Variants in PREX2 observed in about 807,000 individuals in gnomAD.
PREX2 encodes phosphatidylinositol 3,4,5-trisphosphate-dependent Rac exchanger 2 protein.
In PREX2, 107 loss-of-function variants were observed where a neutral mutation model predicts 203.2. The observed-to-expected ratio is 0.53, with a 90% CI of 0.45 to 0.62. The LOEUF is 0.62. Ranked by LOEUF, PREX2 falls within the 20% of genes least tolerant of loss-of-function variation. The pLI is 0.00. For missense variants in PREX2, 1,777 were observed against 1,955.9 expected, an observed-to-expected ratio of 0.91 and a Z score of 1.72; for synonymous variants, 672 against 663.6, an observed-to-expected ratio of 1.01 and a Z score of -0.19.
chr8:68,032,682 C>A (rs1351025143), intron 6 of PREX2, among the ~76,000 whole-genome samples: 1 of 152,068 alleles, frequency 6.6e-6, no homozygotes, highest in Non-Finnish European at 1.5e-5. Flanking sequence ...GAATTCAGGC[C>A]CTGGGAGGAA....
intron 27 of PREX2, among the ~76,000 whole-genome samples, chr8:68,119,169 A>C (rs1363052451): frequency 6.6e-6 from 1 of 152,206 alleles, no homozygotes; most frequent in East Asian, 1.9e-4. Flanking sequence ...AGTTTATGTC[A>C]ACTCTTCAAC....
chr8:68,152,698 T>C (rs909531906), intron 34 of PREX2, among the ~76,000 whole-genome samples: 2 of 152,034 alleles, frequency 1.3e-5, no homozygotes, highest in Non-Finnish European at 2.9e-5. Flanking sequence ...AAGGAAGGCC[T>C]GGATTTCCCT....
intron 39 of PREX2, among the ~76,000 whole-genome samples, chr8:68,225,524 A>T (rs1432245082): frequency 6.6e-6 from 1 of 152,224 alleles, no homozygotes; most frequent in Non-Finnish European, 1.5e-5. Flanking sequence ...ACTGCCACAG[A>T]CAAAACACTA....
intron 37 of PREX2, among the ~76,000 whole-genome samples, chr8:68,199,030 T>A (rs111772916): frequency 9.7e-4 from 147 of 152,256 alleles, no homozygotes; most frequent in African/African-American, 2.8e-3. Flanking sequence ...CGAGGGTGAA[T>A]CTATTCCAGG....
intron 1 of PREX2, among the ~76,000 whole-genome samples, chr8:67,976,688 GAGAC>G (rs1286597495): frequency 6.5e-5 from 7 of 107,024 alleles, no homozygotes; most frequent in Admixed American, 4.0e-4. Flanking sequence ...AGACAGGAGA[GAGAC>G]AGAGAGAGAG....
At chr8:68,176,943 A>G (rs1000817464) in intron 35 of PREX2, 1 of 152,112 alleles carries the variant, frequency 6.6e-6, no homozygotes, top group African/African-American at 2.4e-5. Context: ...ACTAGTAAAC[A>G]TTATAAAGAT....
At chr8:68,101,509 C>T (rs1585793094) in intron 23 of PREX2, 2 of 515,184 alleles carry the variant, frequency 3.9e-6, no homozygotes, top group East Asian at 5.5e-5. Context: ...GGGGAAGATT[C>T]CATGAATGTA....
intron 1 of PREX2, among the ~76,000 whole-genome samples, chr8:68,011,665 C>A (rs1807266319): frequency 6.6e-6 from 1 of 151,922 alleles, no homozygotes; most frequent in Non-Finnish European, 1.5e-5. Flanking sequence ...TTAATGTTAG[C>A]AATTGAGTCA....
At chr8:68,039,729 T>G (rs1187677496) in intron 7 of PREX2, among the ~76,000 whole-genome samples, 1 of 152,136 alleles carries the variant, frequency 6.6e-6, no homozygotes, top group African/African-American at 2.4e-5. Flanking sequence ...TAGCCTTGGT[T>G]CCTGTTTTTC....
chr8:68,093,219 T>C (rs985845231), intron 20 of PREX2, among the ~76,000 whole-genome samples: 2 of 151,786 alleles, frequency 1.3e-5, no homozygotes, highest in African/African-American at 4.8e-5. Flanking sequence ...GGAGAAACCC[T>C]GTCTTTACTA....
chr8:68,159,883 A>G (rs1811621259), intron 35 of PREX2, among the ~76,000 whole-genome samples: 1 of 152,224 alleles, frequency 6.6e-6, no homozygotes, highest in Non-Finnish European at 1.5e-5. Flanking sequence ...AATGTGATAC[A>G]GAGAAAGTCA....
intron 38 of PREX2, among the ~76,000 whole-genome samples, chr8:68,218,566 T>A (rs2129615338): frequency 6.6e-6 from 1 of 152,328 alleles, no homozygotes; most frequent in South Asian, 2.1e-4. Flanking sequence ...CCAGTGACAG[T>A]GAGTGATTTA....
At chr8:68,034,380 T>G (rs1050829438) in intron 6 of PREX2, among the ~76,000 whole-genome samples, 1 of 152,214 alleles carries the variant, frequency 6.6e-6, no homozygotes, top group Admixed American at 6.5e-5. Context: ...TGTTGGCTGA[T>G]TGATTATGTT....
At position 68,038,232 on chromosome 8, in the gene PREX2, T is replaced by A; in HGVS notation, c.779T>A (p.Ile260Asn). Residue 260 changes from isoleucine (I) to asparagine (N), a missense_variant, in exon 7 of 40, where the codon ATT (isoleucine) becomes AAT (asparagine). Coordinates refer to ENST00000288368, the MANE Select transcript of PREX2 (RefSeq NM_024870.4). ...GVLLKISSGNIQERVFFLFDN... is the reference protein window; with the variant it reads ...GVLLKISSGNNQERVFFLFDN... Reference sequence around the variant, plus strand: ...TTACTGAAAATTTCTTCTGGAAATATTCAAGAACGGGTGTTTTTTCTTTTC... The same window carrying A: ...TTACTGAAAATTTCTTCTGGAAATAATCAAGAACGGGTGTTTTTTCTTTTC... 6.2e-7 allele frequency: 1 copy of A among 1,613,908 alleles called. No individual in the cohort carries two copies. The highest frequency in any genetic ancestry group is 8.5e-7 in the Non-Finnish European group (1 of 1,179,860).
rs1391267408 is a variant in PREX2 at position 68,185,829 on chromosome 8, C to CATATAAAATA, written c.4347-5893_4347-5892insATATAAAATA. 5.4e-5 allele frequency among the ~76,000 whole-genome samples: 8 copies of CATATAAAATA among 148,382 alleles called. No homozygotes were observed. The East Asian group carries it at 1.5e-3, about 29-fold the overall frequency. On this transcript the variant is annotated intron_variant, in intron 35 of 39. Coordinates refer to ENST00000288368, the MANE Select transcript of PREX2 (RefSeq NM_024870.4). ...ATGCCAGCATGAAAGGAAACATACT[C>CATATAAAATA]TGCAGCCCATATAAAATAGTAGCCA... is the stretch of plus-strand genomic sequence containing the variant.
chr8:68,205,014 T>C (rs1477548198), intron 37 of PREX2, among the ~76,000 whole-genome samples: 1 of 152,138 alleles, frequency 6.6e-6, no homozygotes, highest in Admixed American at 6.6e-5. Flanking sequence ...TCGGAAACCC[T>C]TGTCTTCCAG....
chr8:68,035,731 A>G (rs771058572), intron 6 of PREX2, among the ~76,000 whole-genome samples: 4 of 152,178 alleles, frequency 2.6e-5, no homozygotes, highest in Non-Finnish European at 4.4e-5. Context: ...CTCAAGGAAG[A>G]TATTTCATGC....
chr8:68,227,902 G>A (rs1335187776), intron 39 of PREX2, among the ~76,000 whole-genome samples: 1 of 152,210 alleles, frequency 6.6e-6, no homozygotes, highest in African/African-American at 2.4e-5. Context: ...AGTGCATTTT[G>A]CATTCTCCCC....
chr8:67,975,973 C>A (rs376736144), intron 1 of PREX2, among the ~76,000 whole-genome samples: 1 of 151,424 alleles, frequency 6.6e-6, no homozygotes, highest in Non-Finnish European at 1.5e-5. Flanking sequence ...ACCTTGGCCT[C>A]CCAAAGTGCT....
Sources: gnomAD v4.1 joint callset for allele counts (sites outside exome capture counted in the v4.1 genomes callset) on GRCh38, gnomAD v4.1.1 for gene constraint, MANE v1.5 for transcripts, NCBI Gene and HGNC (gene_info 2026-07-23, HGNC 2026-07-21) for gene names.